MUC22: variants seen among roughly 807,000 people sequenced by gnomAD.
The protein encoded by MUC22 is mucin-22.
MUC22 carries 24 observed loss-of-function variants against 40.3 expected under a neutral mutation model. The ratio of observed to expected loss-of-function variants is 0.60; its 90% CI spans 0.43 to 0.84. The LOEUF (loss-of-function observed/expected upper bound fraction) is 0.84, where lower values mean the gene tolerates loss of function less well. Ranked by LOEUF, MUC22 falls within the 40% of genes least tolerant of loss-of-function variation. The pLI is 0.00. For missense variants in MUC22, 1,926 were observed against 2,130.7 expected (o/e 0.90, Z 1.89); for synonymous variants, 765 against 844.5 (o/e 0.91, Z 1.63).
rs1025591393 is a variant in MUC22 at position 31,011,745 on chromosome 6, T to A, written c.70+969T>A. On this transcript the variant is annotated intron_variant, in intron 1 of 3. Coordinates refer to ENST00000561890, the Ensembl canonical transcript of MUC22. This position sits in a 1 kb window ranked among gnomAD's most constrained non-coding sequence, Gnocchi z 4.5. The stretch of plus-strand genomic sequence containing the variant: ...GATCAAATGGTAGATCTACTTTTAG[T>A]TCTTTAAGAAATCTCCACACTGTTT... Among the ~76,000 whole-genome samples, 3 of 152,250 alleles carry A rather than the reference T, an allele frequency of 2.0e-5. No individual in the cohort carries two copies. The highest frequency in any genetic ancestry group is 4.4e-5 in the Non-Finnish European group (3 of 68,044).
At chr6:31,010,890 CA>C (rs1171427778) in intron 1 of MUC22, 114 bp downstream of exon 1, 5 of 474,238 alleles carry the variant, frequency 1.1e-5, no homozygotes, top group Admixed American at 3.8e-5. Flanking sequence ...AATGATGATT[CA>C]TTTTTTTTTT....
exon 2 of MUC22, chr6:31,027,885 C>T: frequency 6.5e-7 from 1 of 1,534,774 alleles, no homozygotes; most frequent in Non-Finnish European, 8.7e-7. Context: ...TGACTACAGT[C>T]TCCACCACAG....
At chr6:31,029,593 G>T in exon 2 of MUC22, 1 of 1,534,390 alleles carries the variant, frequency 6.5e-7, no homozygotes, top group Non-Finnish European at 8.7e-7. Context: ...GACCACCACA[G>T]CCTCTACCAC....
chr6:31,026,429 C>T lies in MUC22; in HGVS notation c.998C>T (p.Ala333Val), dbSNP rs540986336. The T allele has an allele frequency of 1.2e-4, 185 of 1,508,122 alleles. 13 individuals carry two copies. In the African/African-American group the frequency reaches 2.5e-3, roughly 20 times the overall value. The allele number at this position is 1,508,122 out of a possible 1,614,324, so 93.4% of individuals were successfully genotyped here. A position where few individuals can be genotyped will look rare whatever the true frequency, so the allele number is the denominator to read the frequency against. ...TCCGAGAACACCACAGTCTCTAGTG[C>T]AGGCTCTGGGACCACCACAGCTTCT... Residue 333 changes from alanine (A) to valine (V), a missense_variant, in exon 2 of 4, where the codon GCA (alanine) becomes GTA (valine). Physicochemically the swap from Ala to Val is moderately conservative, Grantham distance 64 (BLOSUM62 0). Around this residue, in one of 3 missense-constraint regions of MUC22, gnomAD observed 1,281 missense variants for 1,337.8 expected, o/e 0.96. Coordinates refer to ENST00000561890, the Ensembl canonical transcript of MUC22.
At position 31,029,740 on chromosome 6, in the gene MUC22, A is replaced by T. The variant is rs72502539; in HGVS notation, c.4309A>T (p.Thr1437Ser). The T allele has an allele frequency of 6.0e-3, 9,178 of 1,529,466 alleles. 281 individuals carry two copies. The highest frequency in any genetic ancestry group is 0.042 in the East Asian group (1,711 of 40,682). The allele number at this position is 1,529,466 out of a possible 1,614,324, so 94.7% of individuals were successfully genotyped here. The change falls in exon 2 of 4, where the codon ACA (threonine) becomes TCA (serine). Residue 1437 changes from threonine to serine, a missense_variant. Transcript: ENST00000561890. Reference sequence around the variant, plus strand: ...CTCTACTGAAGGCTCTGAGACCACCACAGCCTCCACTGCAGGCTCTGAGAC... The same window carrying T: ...CTCTACTGAAGGCTCTGAGACCACCTCAGCCTCCACTGCAGGCTCTGAGAC...
In MUC22 at chr6:31,032,590, C is replaced by G; in HGVS notation, c.5055+9C>G. 1 of 1,528,082 alleles carries G rather than the reference C, an allele frequency of 6.5e-7. No individual in the cohort carries two copies. The highest frequency in any genetic ancestry group is 8.8e-7 in the Non-Finnish European group (1 of 1,142,526). The allele number at this position is 1,528,082 out of a possible 1,614,324, so 94.7% of individuals were successfully genotyped here. On this transcript the variant is annotated intron_variant, in intron 3 of 3. Transcript: ENST00000561890. The surrounding 1 kb of genome is among the most constrained non-coding windows in gnomAD (Gnocchi z 4.1). Reference sequence around the variant, plus strand: ...GACTGAGTTTTTGTCTGGTGAGTACCCAGGGTGGGTTCATAGGGGAGCCTG... The same window carrying G: ...GACTGAGTTTTTGTCTGGTGAGTACGCAGGGTGGGTTCATAGGGGAGCCTG...
chr6:31,018,121 G>A (rs1764383325), intron 1 of MUC22, among the ~76,000 whole-genome samples: 2 of 152,172 alleles, frequency 1.3e-5, no homozygotes, highest in African/African-American at 4.8e-5. Flanking sequence ...GTCAGACCAA[G>A]AACCCACCAA....
chr6:31,021,754 A>G (rs912915368), intron 1 of MUC22, among the ~76,000 whole-genome samples: 1 of 152,270 alleles, frequency 6.6e-6, no homozygotes, highest in Admixed American at 6.5e-5. Flanking sequence ...GTCAAAACAG[A>G]CCACTCGGCT....
chr6:31,008,776 C>G (rs1475793568), upstream of MUC22, among the ~76,000 whole-genome samples: 3 of 152,098 alleles, frequency 2.0e-5, no homozygotes, highest in Admixed American at 2.0e-4. Context: ...AGGCTGGTCT[C>G]AAACTCCTAA....
rs529633298 is a variant in MUC22 at position 31,013,847 on chromosome 6, A to G, written c.70+3071A>G. ...CCCGGCCATAAATTCTCTTACTACC[A>G]TTACTTCTTTGTTGGTTGAGGTTTT... On this transcript the variant is annotated intron_variant, in intron 1 of 3. Transcript: ENST00000561890. 1.1e-4 allele frequency among the ~76,000 whole-genome samples: 17 copies of G among 151,630 alleles called. No individual in the cohort carries two copies. The South Asian group carries it at 1.9e-3, about 17-fold the overall frequency.
At chr6:31,023,177 A>AGT (rs1554298126) in intron 1 of MUC22, among the ~76,000 whole-genome samples, 1 of 129,838 alleles carries the variant, frequency 7.7e-6, no homozygotes, top group Admixed American at 7.3e-5. Context: ...AAAAAAAAAA[A>AGT]AGGCGAAAAA....
At chr6:31,019,269 A>T (rs1419008957) in intron 1 of MUC22, among the ~76,000 whole-genome samples, 1 of 152,164 alleles carries the variant, frequency 6.6e-6, no homozygotes, top group Non-Finnish European at 1.5e-5. Context: ...AACACTTCCT[A>T]TTGGTTCTAC....
At chr6:31,006,168 G>A, upstream of MUC22, 1 of 385,964 alleles carries the variant, frequency 2.6e-6, no homozygotes, top group East Asian at 1.0e-4. Flanking sequence ...TGAAAATATG[G>A]AAAGACGTAT....
At chr6:31,027,546 C>A in exon 2 of MUC22, 1 of 1,528,476 alleles carries the variant, frequency 6.5e-7, no homozygotes, top group East Asian at 2.5e-5. Flanking sequence ...ACTCTGAGAC[C>A]ACCACAGCTT....
intron 1 of MUC22, among the ~76,000 whole-genome samples, chr6:31,014,037 G>A (rs7755551): frequency 0.15 from 22,100 of 152,026 alleles, 1,771 homozygotes; most frequent in African/African-American, 0.19. Context: ...AGCATTTAGT[G>A]TTTACATTAT....
chr6:31,020,895 C>T (rs1455999452), intron 1 of MUC22, among the ~76,000 whole-genome samples: 1 of 152,236 alleles, frequency 6.6e-6, no homozygotes, highest in Non-Finnish European at 1.5e-5. Context: ...TACTAGGTCC[C>T]CCAGCAGTGC....
chr6:31,017,012 G>A (rs1034008167), intron 1 of MUC22, among the ~76,000 whole-genome samples: 6 of 152,210 alleles, frequency 3.9e-5, no homozygotes, highest in Non-Finnish European at 5.9e-5. Context: ...TCCAATTCTC[G>A]CCGGACCTCA....
intron 1 of MUC22, 114 bp from the exon 2 acceptor site, chr6:31,025,388 A>G: frequency 8.0e-7 from 1 of 1,246,552 alleles, no homozygotes. Flanking sequence ...AGCCCTCAAT[A>G]ACTGAATAAA....
exon 2 of MUC22, chr6:31,026,870 C>T: frequency 6.7e-7 from 1 of 1,495,374 alleles, no homozygotes; most frequent in South Asian, 1.2e-5. Context: ...ACTGCAGCCT[C>T]CACCATGGGC....
Sources: allele counts gnomAD v4.1 joint callset (sites outside exome capture counted in the v4.1 genomes callset), GRCh38; gene constraint gnomAD v4.1.1; regional missense constraint gnomAD v4.1.1; non-coding constraint Gnocchi (gnomAD v3.1); transcripts MANE v1.5; gene names NCBI Gene and HGNC (gene_info 2026-07-23, HGNC 2026-07-21).